Variants in CAST observed in about 807,000 individuals in gnomAD.
CAST encodes the protein MIR583 host.
CAST carries 76 observed loss-of-function variants against 119.6 expected under a neutral mutation model. The observed-to-expected ratio is 0.64, with a 90% CI of 0.53 to 0.77. The LOEUF (loss-of-function observed/expected upper bound fraction) is 0.77. Among genes scored for constraint, CAST ranks in the 30% least tolerant of loss-of-function variants. The probability of loss-of-function intolerance (pLI) is 0.00; values close to 1 mark genes in which losing one functional copy is unlikely to be tolerated. For missense variants in CAST, 953 were observed against 946.5 expected, an observed-to-expected ratio of 1.01 and a Z score of -0.09; for synonymous variants, 319 against 331.6, an observed-to-expected ratio of 0.96 and a Z score of 0.41.
chr5:96,105,915 C>G, the CAST span, among the ~76,000 whole-genome samples: 2 of 152,148 alleles, frequency 1.3e-5, no homozygotes, highest in South Asian at 4.1e-4. Context: ...ATTTCAGATC[C>G]TGTTATTGAT....
intron 1 of CAST, among the ~76,000 whole-genome samples, chr5:96,586,542 A>G (rs896633737): frequency 6.6e-6 from 1 of 152,242 alleles, no homozygotes; most frequent in Non-Finnish European, 1.5e-5. Context: ...CCAGGGGCTT[A>G]GCTGAATCAG....
intron 1 of CAST, among the ~76,000 whole-genome samples, chr5:96,576,268 G>A (rs1377295425): frequency 1.3e-5 from 2 of 152,158 alleles, no homozygotes; most frequent in Non-Finnish European, 2.9e-5. Context: ...TCTGGAGGAT[G>A]TGGTTATAAA....
the CAST span, among the ~76,000 whole-genome samples, chr5:96,254,195 TC>T: frequency 1.3e-5 from 2 of 152,126 alleles, no homozygotes; most frequent in Admixed American, 1.3e-4. Context: ...GTCATGATCT[TC>T]CCAGTTGCTT....
chr5:96,304,619 T>C, the CAST span, among the ~76,000 whole-genome samples: 2 of 152,224 alleles, frequency 1.3e-5, no homozygotes, highest in Admixed American at 1.3e-4. Flanking sequence ...CTTGAGTTAA[T>C]TTTTGTATAA....
At chr5:96,641,946 G>C (rs1379477025) in intron 1 of CAST, among the ~76,000 whole-genome samples, 2 of 152,160 alleles carry the variant, frequency 1.3e-5, no homozygotes, top group Admixed American at 1.3e-4. Flanking sequence ...GTGGTCAAAA[G>C]TTCACAAAGT....
the CAST span, among the ~76,000 whole-genome samples, chr5:96,490,378 G>GTGTGTA: frequency 2.1e-4 from 31 of 150,760 alleles, no homozygotes; most frequent in African/African-American, 7.2e-4. Flanking sequence ...GTGTGTGTGT[G>GTGTGTA]TGTATGTAAA....
chr5:96,126,706 C>T, the CAST span, among the ~76,000 whole-genome samples: 1 of 152,108 alleles, frequency 6.6e-6, no homozygotes, highest in African/African-American at 2.4e-5. Flanking sequence ...TTGTTTATCT[C>T]CATGTACCAC....
chr5:96,667,920 CAGG>C (rs1749548546), intron 1 of CAST, among the ~76,000 whole-genome samples: 1 of 152,176 alleles, frequency 6.6e-6, no homozygotes, highest in Non-Finnish European at 1.5e-5. Flanking sequence ...GAGGCTGAGG[CAGG>C]AGAATGGCGT....
chr5:96,486,465 C>T, the CAST span, among the ~76,000 whole-genome samples: 1 of 152,152 alleles, frequency 6.6e-6, no homozygotes, highest in African/African-American at 2.4e-5. Context: ...GTGTCATTGT[C>T]TACCTTAATG....
chr5:96,741,387 C>A, intron 14 of CAST, 29 bp downstream of exon 14: 1 of 1,535,630 alleles, frequency 6.5e-7, no homozygotes, highest in Non-Finnish European at 9.0e-7. Flanking sequence ...TTAAGGGAAA[C>A]TTGTTAGGAA....
At chr5:96,493,869 T>C in the CAST span, among the ~76,000 whole-genome samples, 1 of 151,978 alleles carries the variant, frequency 6.6e-6, no homozygotes, top group African/African-American at 2.4e-5. Flanking sequence ...ACCTTGTCTC[T>C]ACTAAAAAAA....
chr5:96,741,710 G>A, intron 15 of CAST, 130 bp downstream of exon 15: 1 of 638,064 alleles, frequency 1.6e-6, no homozygotes, highest in Non-Finnish European at 2.8e-6. Flanking sequence ...ATGTGGAATA[G>A]TGAAGCCAAT....
chr5:96,639,540 T>C (rs1747925607), intron 1 of CAST, among the ~76,000 whole-genome samples: 1 of 152,166 alleles, frequency 6.6e-6, no homozygotes, highest in Non-Finnish European at 1.5e-5. Context: ...CAGAATGAAG[T>C]CCAGAGGGGA....
At chr5:96,139,209 AGTTT>A in the CAST span, among the ~76,000 whole-genome samples, 1 of 151,882 alleles carries the variant, frequency 6.6e-6, no homozygotes, top group Admixed American at 6.6e-5. Context: ...ATGCTTATTT[AGTTT>A]AATAATCTCC....
intron 21 of CAST, 125 bp downstream of exon 21, chr5:96,754,286 A>G (rs1765802168): frequency 5.7e-6 from 4 of 695,818 alleles, no homozygotes; most frequent in Admixed American, 2.2e-5. Context: ...GGCTTTTTCT[A>G]TTATTGTGCA....
intron 1 of CAST, among the ~76,000 whole-genome samples, chr5:96,566,742 G>A (rs1746475767): frequency 6.6e-6 from 1 of 152,148 alleles, no homozygotes; most frequent in African/African-American, 2.4e-5. Flanking sequence ...CCCTTCTGCT[G>A]ACAAGAAACA....
chr5:96,012,991 G>C, the CAST span, among the ~76,000 whole-genome samples: 1 of 152,178 alleles, frequency 6.6e-6, no homozygotes, highest in Non-Finnish European at 1.5e-5. Flanking sequence ...CAGTCTCTCA[G>C]TTGAGCCTAA....
chr5:96,092,454 T>C, the CAST span, among the ~76,000 whole-genome samples: 1 of 152,222 alleles, frequency 6.6e-6, no homozygotes, highest in Non-Finnish European at 1.5e-5. Flanking sequence ...GCATTCAATA[T>C]ACATCCTCAA....
At chr5:96,340,662 G>T in the CAST span, among the ~76,000 whole-genome samples, 1 of 152,134 alleles carries the variant, frequency 6.6e-6, no homozygotes, top group Non-Finnish European at 1.5e-5. Context: ...AGCTGTTGTT[G>T]TTTACCCCAG....
Sources: allele counts gnomAD v4.1 joint callset (sites outside exome capture counted in the v4.1 genomes callset), GRCh38; gene constraint gnomAD v4.1.1; transcripts MANE v1.5; gene names NCBI Gene and HGNC (gene_info 2026-07-23, HGNC 2026-07-21).